The following VRK2 variants were observed in gnomAD, a reference collection of about 807,000 sequenced individuals.
VRK2 encodes the protein VRK serine/threonine kinase 2, also known as serine/threonine-protein kinase VRK2.
A neutral mutation model predicts 57.6 loss-of-function variants in VRK2; 60 were observed. The ratio of observed to expected loss-of-function variants is 1.04; its 90% CI spans 0.85 to 1.29. The LOEUF (loss-of-function observed/expected upper bound fraction) is 1.29. Among genes scored for constraint, VRK2 ranks in the 50% most tolerant of loss-of-function variants. The probability of loss-of-function intolerance (pLI) is 0.00; values close to 1 mark genes in which losing one functional copy is unlikely to be tolerated. For synonymous variants in VRK2, 231 were observed against 199.2 expected (o/e 1.16, Z -1.35); for missense variants, 705 against 588.1 (o/e 1.20, Z -2.06).
At chr2:58,017,109 G>A (rs1179813201) in intron 1 of VRK2, among the ~76,000 whole-genome samples, 1 of 152,168 alleles carries the variant, frequency 6.6e-6, no homozygotes. Flanking sequence ...TTTCTGGGGA[G>A]CAGTCACAGG....
intron 10 of VRK2, among the ~76,000 whole-genome samples, chr2:58,137,251 G>GATACATAT: frequency 1.3e-5 from 1 of 77,380 alleles, no homozygotes; most frequent in South Asian, 4.4e-4. Flanking sequence ...TCATATATAT[G>GATACATAT]ATATATATGA....
intron 1 of VRK2, 95 bp from the exon 2 acceptor site, chr2:58,048,732 A>G (rs1675255153): frequency 6.6e-7 from 1 of 1,515,208 alleles, no homozygotes; most frequent in Non-Finnish European, 8.9e-7. Flanking sequence ...AACCTGGGAA[A>G]GTTCCCTATT....
At chr2:58,036,056 C>T (rs973601269) in intron 3 of VRK2, among the ~76,000 whole-genome samples, 1 of 151,724 alleles carries the variant, frequency 6.6e-6, no homozygotes, top group Non-Finnish European at 1.5e-5. Flanking sequence ...AATTTTTTTT[C>T]TTATATGTCT....
chr2:58,011,021 T>C (rs936889202), intron 1 of VRK2, among the ~76,000 whole-genome samples: 1 of 152,192 alleles, frequency 6.6e-6, no homozygotes, highest in Non-Finnish European at 1.5e-5. Flanking sequence ...CTCCATCAGG[T>C]GAAACTAGCT....
At chr2:58,028,905 T>TAAATAA (rs1406316178) in intron 2 of VRK2, among the ~76,000 whole-genome samples, 3 of 27,610 alleles carry the variant, frequency 1.1e-4, no homozygotes, top group Non-Finnish European at 1.5e-4. Context: ...AATAAATAAA[T>TAAATAA]ATATATATAT....
intron 1 of VRK2, among the ~76,000 whole-genome samples, chr2:58,019,287 G>T (rs1441002359): frequency 6.6e-6 from 1 of 152,170 alleles, no homozygotes; most frequent in Non-Finnish European, 1.5e-5. Flanking sequence ...AAGTGTCAGG[G>T]TAGTGCCTGC....
intron 8 of VRK2, among the ~76,000 whole-genome samples, chr2:58,130,707 C>T (rs1026712639): frequency 2.6e-5 from 4 of 152,008 alleles, no homozygotes; most frequent in Non-Finnish European, 5.9e-5. Flanking sequence ...AATAGGATAC[C>T]TGTTTATAGC....
At chr2:58,105,457 A>T (rs904767717) in intron 7 of VRK2, among the ~76,000 whole-genome samples, 1 of 152,038 alleles carries the variant, frequency 6.6e-6, no homozygotes, top group Admixed American at 6.6e-5. Flanking sequence ...GCTCAACATC[A>T]CTAATCATCA....
chr2:58,024,054 T>A (rs934117547), intron 1 of VRK2, among the ~76,000 whole-genome samples: 2 of 151,328 alleles, frequency 1.3e-5, no homozygotes, highest in Non-Finnish European at 2.9e-5. Context: ...TCTCAGCTCA[T>A]GGCTCACTGC....
At chr2:58,137,224 C>CATATATGAGATACATGTATCATAT (rs147019487) in intron 10 of VRK2, among the ~76,000 whole-genome samples, 1 of 65,142 alleles carries the variant, frequency 1.5e-5, no homozygotes, top group African/African-American at 8.4e-5. Context: ...ACATATATAT[C>CATATATGAGATACATGTATCATAT]ATATGATACA....
chr2:57,938,090 A>C (rs1670975135), intron 1 of VRK2, among the ~76,000 whole-genome samples: 3 of 152,092 alleles, frequency 2.0e-5, no homozygotes, highest in African/African-American at 7.2e-5. Context: ...TTTGCCTCCC[A>C]AAGTGCTGGG....
At chr2:57,932,717 T>C (rs2717020) in intron 1 of VRK2, among the ~76,000 whole-genome samples, 48,189 of 151,984 alleles carry the variant, frequency 0.32, 8,360 homozygotes, top group East Asian at 0.41. Context: ...TTTCCTTTAT[T>C]CTACTAACTT....
intron 1 of VRK2, among the ~76,000 whole-genome samples, chr2:57,913,337 T>C (rs977620561): frequency 1.3e-5 from 2 of 152,220 alleles, no homozygotes; most frequent in Non-Finnish European, 2.9e-5. Context: ...TAAATGACTG[T>C]CTATAAAAGT....
intron 2 of VRK2, among the ~76,000 whole-genome samples, chr2:58,068,433 C>T (rs1382824202): frequency 6.6e-6 from 1 of 152,058 alleles, no homozygotes; most frequent in African/African-American, 2.4e-5. Flanking sequence ...ATGCATTGTT[C>T]ACTCTGGCTG....
chr2:58,006,609 C>G (rs1460807600), intron 1 of VRK2, among the ~76,000 whole-genome samples: 1 of 152,100 alleles, frequency 6.6e-6, no homozygotes, highest in Non-Finnish European at 1.5e-5. Flanking sequence ...CATTAGAAAA[C>G]CTAAATGCAA....
exon 3 of VRK2, chr2:58,033,390 A>G (rs1453139721): frequency 6.6e-6 from 1 of 152,046 alleles, no homozygotes; most frequent in Non-Finnish European, 1.5e-5. Flanking sequence ...AACCGGAAGA[A>G]GTTATAACAT....
At chr2:58,132,008 G>C (rs765719630) in intron 9 of VRK2, 80 bp downstream of exon 9, 2 of 1,526,066 alleles carry the variant, frequency 1.3e-6, no homozygotes, top group Admixed American at 2.2e-5. Flanking sequence ...ACACAGAGAA[G>C]ATTGGCATTC....
At chr2:58,156,583 T>A (rs28684914) in intron 12 of VRK2, among the ~76,000 whole-genome samples, 28 of 145,046 alleles carry the variant, frequency 1.9e-4, no homozygotes, top group African/African-American at 7.4e-4. Flanking sequence ...GGTGGTGTTT[T>A]TTTTGTTTTG....
intron 7 of VRK2, among the ~76,000 whole-genome samples, chr2:58,112,551 G>A (rs902171799): frequency 2.2e-4 from 33 of 148,182 alleles, no homozygotes; most frequent in Non-Finnish European, 1.3e-4. Context: ...AGGGTCACTG[G>A]AATGAGCTGA....
Sources: gnomAD v4.1 joint callset for allele counts (sites outside exome capture counted in the v4.1 genomes callset) on GRCh38, gnomAD v4.1.1 for gene constraint, MANE v1.5 for transcripts, NCBI Gene and HGNC (gene_info 2026-07-23, HGNC 2026-07-21) for gene names.